Variants in WDR11 observed in about 807,000 individuals in gnomAD.
WDR11 encodes WD repeat-containing protein 11.
WDR11 carries 83 observed loss-of-function variants against 151.2 expected under a neutral mutation model. The observed-to-expected ratio is 0.55, with a 90% CI of 0.46 to 0.66. WDR11 has a LOEUF of 0.66. Ranked by LOEUF, WDR11 falls within the 30% of genes least tolerant of loss-of-function variation. WDR11 has a pLI of 0.00. For synonymous variants in WDR11, 484 were observed against 533.1 expected (o/e 0.91, Z 1.27); for missense variants, 1,301 against 1,480.9 (o/e 0.88, Z 1.99).
At chr10:120,889,819 A>C in intron 17 of WDR11, 76 bp from the exon 18 acceptor site, 5 of 973,852 alleles carry the variant, frequency 5.1e-6, no homozygotes, top group Non-Finnish European at 8.2e-6. Flanking sequence ...GGAAATAGTG[A>C]GAGATGTTAG....
chr10:120,908,817 C>A lies in WDR11; in HGVS notation c.*104C>A. On this transcript the variant is annotated 3_prime_UTR_variant, in exon 29 of 29. Transcript: ENST00000263461. ...CCAGGATGAAGAGGAGTACAGGGTCCTGTGAGCTGTTTGACCACTGTTCTA... is the reference window on the plus strand; with the variant it reads ...CCAGGATGAAGAGGAGTACAGGGTCATGTGAGCTGTTTGACCACTGTTCTA... The A allele has an allele frequency of 2.3e-6, 3 of 1,302,706 alleles. No homozygotes were observed. Among genetic ancestry groups the A allele is most frequent in the Non-Finnish European group, 3.3e-6 (3 of 907,088 alleles). The allele number at this position is 1,302,706 out of a possible 1,614,324, so 80.7% of individuals were successfully genotyped here. A position where few individuals can be genotyped will look rare whatever the true frequency, so the allele number is the denominator to read the frequency against.
intron 19 of WDR11, among the ~76,000 whole-genome samples, chr10:120,898,409 T>G (rs2133805540): frequency 6.6e-6 from 1 of 152,354 alleles, no homozygotes; most frequent in East Asian, 1.9e-4. Flanking sequence ...AATCACTTTT[T>G]AAGTTTAAAT....
At position 120,851,405 on chromosome 10, in the gene WDR11, T is replaced by A; in HGVS notation, c.-16T>A. The stretch of plus-strand genomic sequence containing the variant: ...TGGTTGCGGGTCAGCGCCCAGGTCC[T>A]GGGCTGGCCGCCGGGATGTTGCCCT... On this transcript the variant is annotated 5_prime_UTR_variant, in exon 1 of 29. Transcript: ENST00000263461. 2 of 1,604,880 alleles carry A rather than the reference T, an allele frequency of 1.2e-6. No individual in the cohort carries two copies. Among genetic ancestry groups the A allele is most frequent in the South Asian group, 2.2e-5 (2 of 89,162 alleles).
At position 120,867,162 on chromosome 10, in the gene WDR11, C is replaced by T; in HGVS notation, c.1287C>T (p.Asn429=). 2 of 1,612,304 alleles carry T rather than the reference C, an allele frequency of 1.2e-6. No homozygotes were observed. The highest frequency in any genetic ancestry group is 1.7e-6 in the Non-Finnish European group (2 of 1,178,536). Reference sequence around the variant, plus strand: ...AACTCCCAGACCTTTCCTTAGATAACATGATTGGTAAGCTTTTTTCCCCTC... The same window carrying T: ...AACTCCCAGACCTTTCCTTAGATAATATGATTGGTAAGCTTTTTTCCCCTC... ...QNKLPDLSLD[N]MIGQSAIAGE... The change falls in exon 9 of 29, where the codon AAC becomes AAT. Residue 429 remains asparagine, a synonymous_variant. Coordinates refer to ENST00000263461, the MANE Select transcript of WDR11 (RefSeq NM_018117.12).
chr10:120,866,824 A>G (rs1846331513), intron 8 of WDR11, 60 bp downstream of exon 8: 2 of 1,589,604 alleles, frequency 1.3e-6, no homozygotes, highest in Non-Finnish European at 8.6e-7. Flanking sequence ...TTTATAAAAA[A>G]TTTCCATAAT....
At position 120,890,781 on chromosome 10, in the gene WDR11, G is replaced by A; in HGVS notation, c.2409G>A (p.Trp803Ter). 1.9e-6 allele frequency: 3 copies of A among 1,614,188 alleles called. No individual in the cohort carries two copies. Among genetic ancestry groups the A allele is most frequent in the Non-Finnish European group, 2.5e-6 (3 of 1,180,040 alleles). Residue 803 changes from tryptophan to a stop codon, truncating the protein, a stop_gained, in exon 19 of 29, where the codon TGG (tryptophan) becomes TGA (stop). Transcript: ENST00000263461. LOFTEE classifies it high-confidence loss of function. Reference sequence around the variant, plus strand: ...CCTTTCGTATATTGGATGTGGACTGGTGTACGTCAGATAAAGTGATCTTGG... The same window carrying A: ...CCTTTCGTATATTGGATGTGGACTGATGTACGTCAGATAAAGTGATCTTGG... Reference protein sequence around the residue: ...NVTFRILDVDWCTSDKVILAS... With the variant: ...NVTFRILDVD
chr10:120,880,673 A>G (rs909135342), intron 12 of WDR11, 153 bp from the exon 13 acceptor site: 5 of 740,648 alleles, frequency 6.8e-6, no homozygotes, highest in African/African-American at 3.6e-5. Flanking sequence ...AAAAACCCGA[A>G]AAAACAGAAA....
chr10:120,899,734 G>C (rs958650969), intron 19 of WDR11: 1 of 357,612 alleles, frequency 2.8e-6, no homozygotes, highest in African/African-American at 2.1e-5. Context: ...TGTGAGCCGA[G>C]ATCGCACCAC....
intron 21 of WDR11, among the ~76,000 whole-genome samples, chr10:120,901,641 A>T (rs1398714528): frequency 1.3e-5 from 2 of 152,236 alleles, no homozygotes; most frequent in East Asian, 3.9e-4. Context: ...TTTGCAATCT[A>T]GAATCTGTTA....
At chr10:120,862,646 C>T in intron 4 of WDR11, 89 bp from the exon 5 acceptor site, 4 of 1,275,784 alleles carry the variant, frequency 3.1e-6, no homozygotes, top group Non-Finnish European at 4.6e-6. Context: ...TTAAAATTAT[C>T]ACTATATTGC....
chr10:120,851,541 G>C (rs1434817113), intron 1 of WDR11, 35 bp downstream of exon 1: 1 of 1,597,546 alleles, frequency 6.3e-7, no homozygotes, highest in East Asian at 2.3e-5. Context: ...GCCAGGATCG[G>C]CCAGGAATGT....
intron 17 of WDR11, chr10:120,889,548 A>G: frequency 2.5e-6 from 1 of 404,380 alleles, no homozygotes; most frequent in Non-Finnish European, 4.6e-6. Flanking sequence ...CCAAAAAATG[A>G]CATCTTGATA....
In WDR11 at chr10:120,900,052, C is replaced by G. The variant is rs148426818; in HGVS notation, c.2539C>G (p.Leu847Val). 8.1e-6 allele frequency: 13 copies of G among 1,614,026 alleles called. 1 individual carries two copies. In the Middle Eastern group the frequency reaches 6.6e-4, roughly 82 times the overall value. ...AGAGCCTGTGTGGTGCCCCTATCTC[C>G]TTGTTCCAAGGGCCTCTCTTGCCTT... ...LTEPVWCPYL[L>V]VPRASLALKA... Residue 847 changes from leucine to valine, a missense_variant, in exon 20 of 29, where the codon CTT becomes GTT. Physicochemically the swap from Leu to Val is conservative, Grantham distance 32 (BLOSUM62 1). This residue lies in a region of WDR11 where 589 missense variants were observed against 670.6 expected (regional missense o/e 0.88). Transcript: ENST00000263461.
chr10:120,885,991 G>T, intron 15 of WDR11, 53 bp downstream of exon 15: 1 of 1,608,410 alleles, frequency 6.2e-7, no homozygotes. Flanking sequence ...CATCATGTCT[G>T]GGAAGTTGAC....
chr10:120,904,180 T>C lies in WDR11; in HGVS notation c.3027+38T>C, dbSNP rs745842354. ...TTATAACTCTACATGCTTCATTAAATTGCTAGTTAATTCGTATTTCAGAGC... is the reference window on the plus strand; with the variant it reads ...TTATAACTCTACATGCTTCATTAAACTGCTAGTTAATTCGTATTTCAGAGC... On this transcript the variant is annotated intron_variant, in intron 24 of 28. Coordinates refer to ENST00000263461, the MANE Select transcript of WDR11 (RefSeq NM_018117.12). 2.7e-6 allele frequency: 4 copies of C among 1,472,442 alleles called. No individual in the cohort carries two copies. In the African/African-American group the frequency reaches 4.2e-5, roughly 15 times the overall value. 91.2% of individuals were successfully genotyped at this position (1,472,442 alleles called of 1,614,324 possible).
chr10:120,871,052 T>C, intron 9 of WDR11, 118 bp from the exon 10 acceptor site: 1 of 1,026,078 alleles, frequency 9.7e-7, no homozygotes, highest in East Asian at 2.6e-5. Flanking sequence ...ACTAAAGTAC[T>C]ACATTAACTA....
At chr10:120,866,292 CTG>C (rs1394275187) in intron 7 of WDR11, among the ~76,000 whole-genome samples, 1 of 152,062 alleles carries the variant, frequency 6.6e-6, no homozygotes, top group Admixed American at 6.5e-5. Flanking sequence ...TTATATATCA[CTG>C]TTGATCCTTT....
chr10:120,884,355 A>G (rs1847138510), intron 14 of WDR11, among the ~76,000 whole-genome samples: 1 of 152,186 alleles, frequency 6.6e-6, no homozygotes, highest in Non-Finnish European at 1.5e-5. Flanking sequence ...ATATTTGGGG[A>G]CTTAATATAC....
In WDR11 at chr10:120,869,130, A is replaced by G. The variant is rs1320400273; in HGVS notation, c.1294+1961A>G. The stretch of plus-strand genomic sequence containing the variant: ...GGTTTTTTTTTTTTTTTTTTTTTTG[A>G]GACGGAGTCTTGCTCTGTCGCCCAG... On this transcript the variant is annotated intron_variant, in intron 9 of 28. Transcript: ENST00000263461. Among the ~76,000 whole-genome samples, 4 of 69,360 alleles carry G rather than the reference A, an allele frequency of 5.8e-5. No individual in the cohort carries two copies. The Admixed American group carries it at 7.5e-4, about 13-fold the overall frequency. The allele number at this position is 69,360 out of a possible 152,430, so 45.5% of individuals were successfully genotyped here. A position where few individuals can be genotyped will look rare whatever the true frequency, so the allele number is the denominator to read the frequency against.
Sources: gnomAD v4.1 joint callset for allele counts (sites outside exome capture counted in the v4.1 genomes callset) on GRCh38, gnomAD v4.1.1 for gene constraint, gnomAD v4.1.1 regional missense constraint, MANE v1.5 for transcripts, NCBI Gene and HGNC (gene_info 2026-07-23, HGNC 2026-07-21) for gene names.